The following BAIAP2L1 variants were observed in gnomAD, a reference collection of about 807,000 sequenced individuals.
The protein encoded by BAIAP2L1 is BAR/IMD domain containing adaptor protein 2 like 1, also known as BAR/IMD domain-containing adapter protein 2-like 1.
A neutral mutation model predicts 66.3 loss-of-function variants in BAIAP2L1; 35 were observed. The observed-to-expected ratio is 0.53, with a 90% CI of 0.40 to 0.70. The LOEUF (loss-of-function observed/expected upper bound fraction) is 0.70, where lower values mean the gene tolerates loss of function less well. BAIAP2L1 is among the 30% of genes least tolerant of loss of function. The pLI is 0.00. For synonymous variants in BAIAP2L1, 269 were observed against 248.7 expected (o/e 1.08, Z -0.77); for missense variants, 622 against 656.9 (o/e 0.95, Z 0.58).
rs192166736 is a variant in BAIAP2L1 at position 98,334,593 on chromosome 7, G to A, written c.215-14295C>T. Among the ~76,000 whole-genome samples the A allele has an allele frequency of 4.3e-3, 659 of 152,096 alleles. 1 individual carries two copies. Among genetic ancestry groups the A allele is most frequent in the African/African-American group, 0.015 (624 of 41,528 alleles). On this transcript the variant is annotated intron_variant, in intron 3 of 13. Coordinates refer to ENST00000005260, the MANE Select transcript of BAIAP2L1 (RefSeq NM_018842.5). ...AGAGTCTTGCTCCGTCACCCAGGCT[G>A]GAGTGCAGTGGCACGACCTCGGCTC... is the stretch of plus-strand genomic sequence containing the variant.
chr7:98,306,327 G>T, intron 11 of BAIAP2L1, 112 bp downstream of exon 11: 1 of 1,289,038 alleles, frequency 7.8e-7, no homozygotes, highest in South Asian at 1.2e-5. Flanking sequence ...ACTAGTCCAC[G>T]AGAGCTGAGG....
chr7:98,360,159 G>GT (rs1171254039), intron 2 of BAIAP2L1, among the ~76,000 whole-genome samples: 1 of 150,482 alleles, frequency 6.6e-6, no homozygotes, highest in African/African-American at 2.4e-5. Flanking sequence ...CTGACCTCAG[G>GT]TGATCTGCCC....
intron 3 of BAIAP2L1, among the ~76,000 whole-genome samples, chr7:98,354,264 T>C (rs1431987660): frequency 1.3e-5 from 2 of 152,008 alleles, no homozygotes; most frequent in Non-Finnish European, 2.9e-5. Flanking sequence ...AGAAACCATG[T>C]GACTTGCCCG....
At chr7:98,311,746 T>C (rs986545365) in intron 8 of BAIAP2L1, among the ~76,000 whole-genome samples, 1 of 146,288 alleles carries the variant, frequency 6.8e-6, no homozygotes, top group African/African-American at 2.5e-5. Flanking sequence ...TCTCTACTAA[T>C]AATACAAAAA....
intron 2 of BAIAP2L1, among the ~76,000 whole-genome samples, chr7:98,356,688 T>C (rs1255035315): frequency 7.7e-6 from 1 of 130,120 alleles, no homozygotes; most frequent in Non-Finnish European, 1.7e-5. Context: ...AAAAAAAAAA[T>C]TGAAGGGGCT....
At chr7:98,295,657 G>A (rs575158842) in intron 12 of BAIAP2L1, among the ~76,000 whole-genome samples, 6 of 152,094 alleles carry the variant, frequency 3.9e-5, no homozygotes, top group Non-Finnish European at 7.4e-5. Flanking sequence ...CTCTCCCACT[G>A]GAGTCATCTG....
intron 1 of BAIAP2L1, among the ~76,000 whole-genome samples, chr7:98,394,923 C>G (rs1406101452): frequency 6.6e-6 from 1 of 152,072 alleles, no homozygotes; most frequent in Non-Finnish European, 1.5e-5. Flanking sequence ...ACCAGCCTGG[C>G]CAACATGGTG....
chr7:98,341,480 C>T (rs968028126), intron 3 of BAIAP2L1, among the ~76,000 whole-genome samples: 5 of 151,884 alleles, frequency 3.3e-5, no homozygotes, highest in East Asian at 1.9e-4. Flanking sequence ...CCCAGGAGTT[C>T]GAGACCAGCC....
intron 1 of BAIAP2L1, among the ~76,000 whole-genome samples, chr7:98,378,812 G>T (rs1206331906): frequency 6.6e-6 from 1 of 151,574 alleles, no homozygotes; most frequent in Non-Finnish European, 1.5e-5. Context: ...TCAGCACTTT[G>T]GGAGGCCAAG....
At chr7:98,369,699 C>T (rs1459964703) in intron 1 of BAIAP2L1, among the ~76,000 whole-genome samples, 2 of 106,914 alleles carry the variant, frequency 1.9e-5, no homozygotes, top group Non-Finnish European at 3.5e-5. Context: ...TGAGCTAGAG[C>T]TTTGCTCTGT....
chr7:98,385,650 G>A (rs537007911), intron 1 of BAIAP2L1, among the ~76,000 whole-genome samples: 2 of 152,048 alleles, frequency 1.3e-5, no homozygotes, highest in East Asian at 3.9e-4. Context: ...CTGACCTCAA[G>A]CAAGCTGCCT....
chr7:98,389,918 A>ATTTTTTTT lies in BAIAP2L1; in HGVS notation c.51+10876_51+10883dup, dbSNP rs750099451. 1.4e-4 allele frequency among the ~76,000 whole-genome samples: 18 copies of ATTTTTTTT among 129,798 alleles called. 1 individual carries two copies. Among genetic ancestry groups the ATTTTTTTT allele is most frequent in the Middle Eastern group, 5.1e-3 (1 of 196 alleles). The allele number at this position is 129,798 out of a possible 152,430, so 85.2% of individuals were successfully genotyped here. Reference sequence around the variant, plus strand: ...TGCACGTGTAGTCTTGGGTTAGTAAATTTTTTTTTTTTTTTGAGAGGTAGT... The same window carrying ATTTTTTTT: ...TGCACGTGTAGTCTTGGGTTAGTAAATTTTTTTTTTTTTTTTTTTTTTTGAGAGGTAGT... On this transcript the variant is annotated intron_variant, in intron 1 of 13. Transcript: ENST00000005260.
chr7:98,383,758 G>A (rs966526450), intron 1 of BAIAP2L1, among the ~76,000 whole-genome samples: 1 of 152,062 alleles, frequency 6.6e-6, no homozygotes, highest in African/African-American at 2.4e-5. Context: ...CACATTTCAG[G>A]CTTTCAAACA....
rs554518108 is a variant in BAIAP2L1, at chr7:98,391,836, C to T, written c.51+8966G>A. On this transcript the variant is annotated intron_variant, in intron 1 of 13. Transcript: ENST00000005260. ...GAGGAAAATAAAAACAGAAATCTAA[C>T]GTCTGAAAGGTCACAGAGCTGTAAT... Among the ~76,000 whole-genome samples the T allele has an allele frequency of 5.3e-5, 8 of 151,692 alleles. No homozygotes were observed. The South Asian group carries it at 6.2e-4, about 12-fold the overall frequency.
At position 98,302,797 on chromosome 7, in the gene BAIAP2L1, C is replaced by CT. The variant is rs1473966342; in HGVS notation, c.1422+1398dup. ...AACAACTACACTGTAAACCATTTTT[C>CT]TTTTTTTATGAGACAGGGTCTCTGT... On this transcript the variant is annotated intron_variant, in intron 12 of 13. Transcript: ENST00000005260. Among the ~76,000 whole-genome samples the CT allele has an allele frequency of 4.6e-5, 7 of 152,136 alleles. 1 individual carries two copies. The highest frequency in any genetic ancestry group is 1.7e-4 in the African/African-American group (7 of 41,512).
chr7:98,327,988 A>G (rs1209265308), intron 3 of BAIAP2L1, among the ~76,000 whole-genome samples: 4 of 152,102 alleles, frequency 2.6e-5, no homozygotes, highest in African/African-American at 7.2e-5. Context: ...TGAAAAGCCA[A>G]AAAGAGCTGC....
chr7:98,382,255 G>A (rs1802776801), intron 1 of BAIAP2L1, among the ~76,000 whole-genome samples: 1 of 152,142 alleles, frequency 6.6e-6, no homozygotes, highest in African/African-American at 2.4e-5. Context: ...TTTGAAAAAA[G>A]AGTGGGGAGG....
At chr7:98,294,263 G>A in intron 12 of BAIAP2L1, 152 bp from the exon 13 acceptor site, 1 of 724,338 alleles carries the variant, frequency 1.4e-6, no homozygotes, top group Non-Finnish European at 2.3e-6. Flanking sequence ...AATGTGCTGG[G>A]ACTACAGGTG....
At chr7:98,343,686 G>C (rs1801802727) in intron 3 of BAIAP2L1, among the ~76,000 whole-genome samples, 1 of 152,120 alleles carries the variant, frequency 6.6e-6, no homozygotes, top group Non-Finnish European at 1.5e-5. Flanking sequence ...TTGGAGAAAA[G>C]GATACCAAAT....
Sources: gnomAD v4.1 joint callset for allele counts (sites outside exome capture counted in the v4.1 genomes callset) on GRCh38, gnomAD v4.1.1 for gene constraint, MANE v1.5 for transcripts, NCBI Gene and HGNC (gene_info 2026-07-23, HGNC 2026-07-21) for gene names.